The following GAL3ST3 variants were observed in gnomAD, a reference collection of about 807,000 sequenced individuals.
GAL3ST3 encodes beta-galactose-3-O-sulfotransferase 3.
A neutral mutation model predicts 20.8 loss-of-function variants in GAL3ST3; 21 were observed. The observed-to-expected ratio is 1.01, with a 90% CI of 0.72 to 1.45. The LOEUF (loss-of-function observed/expected upper bound fraction) is 1.45, where lower values mean the gene tolerates loss of function less well. Among genes scored for constraint, GAL3ST3 ranks in the 40% most tolerant of loss-of-function variants. The probability of loss-of-function intolerance (pLI) is 0.00; values close to 1 mark genes in which losing one functional copy is unlikely to be tolerated. For missense variants in GAL3ST3, 739 were observed against 662.7 expected (o/e 1.12, Z -1.26); for synonymous variants, 355 against 307.2 (o/e 1.16, Z -1.63).
intron 2 of GAL3ST3, chr11:66,045,076 G>A: frequency 2.5e-6 from 1 of 402,596 alleles, no homozygotes; most frequent in Non-Finnish European, 4.4e-6. Flanking sequence ...GTGGGGAGTT[G>A]AGCTGGATTC....
chr11:66,043,179 G>C lies in GAL3ST3; in HGVS notation c.624C>G (p.Asp208Glu). Residue 208 changes from aspartate (D) to glutamate (E), a missense_variant, in exon 3 of 3, where the codon GAC becomes GAG. Physicochemically the swap from Asp to Glu is conservative, Grantham distance 45. Coordinates refer to ENST00000312006, the MANE Select transcript of GAL3ST3 (RefSeq NM_033036.3). Reference sequence around the variant, plus strand: ...GGCTGCGCTCATTGTCGCCGCCCAGGTCGTAGGCCAGCGTGTTGTGTGCGA... The same window carrying C: ...GGCTGCGCTCATTGTCGCCGCCCAGCTCGTAGGCCAGCGTGTTGTGTGCGA... The part of the protein sequence containing the change: ...AMFAHNTLAY[D>E]LGGDNERSPR... 2.5e-6 allele frequency: 4 copies of C among 1,612,112 alleles called. No homozygotes were observed. The highest frequency in any genetic ancestry group is 3.4e-6 in the Non-Finnish European group (4 of 1,179,438).
Position 66,045,358 on chromosome 11 carries a change from T to TA in GAL3ST3, c.57_58insT (p.Ile20TyrfsTer195). On this transcript the variant is annotated frameshift_variant, in exon 2 of 3. Coordinates refer to ENST00000312006, the MANE Select transcript of GAL3ST3 (RefSeq NM_033036.3). LOFTEE classifies it high-confidence loss of function. ...CTGCACCCTAGCACCAGCAGCAGGA[T>TA]TTTCCGGCGGCTCATCATCTTGGTG... The TA allele has an allele frequency of 6.2e-7, 1 of 1,607,074 alleles. No individual in the cohort carries two copies. The highest frequency in any genetic ancestry group is 8.5e-7 in the Non-Finnish European group (1 of 1,176,424).
In GAL3ST3 at chr11:66,042,258, TCAC is replaced by T; in HGVS notation, c.*246_*248del. On this transcript the variant is annotated 3_prime_UTR_variant, in exon 3 of 3. Transcript: ENST00000312006. The stretch of plus-strand genomic sequence containing the variant: ...ACAGCCCTCAGGCCTCTTGTCAAAA[TCAC>T]CAACCAGCTGGGAAGGAGAGGGTGG... 2.1e-6 allele frequency: 1 copy of T among 467,436 alleles called. No individual in the cohort carries two copies. 29.0% of individuals were successfully genotyped at this position (467,436 alleles called of 1,614,324 possible).
At chr11:66,044,526 C>T (rs986720934) in intron 2 of GAL3ST3, among the ~76,000 whole-genome samples, 4 of 152,186 alleles carry the variant, frequency 2.6e-5, no homozygotes, top group Non-Finnish European at 4.4e-5. Context: ...TGGCTCCTCA[C>T]TTTGTAGATG....
chr11:66,045,296 G>T lies in GAL3ST3; in HGVS notation c.120C>A (p.Leu40=). ...VSLLIHQGAQ[L]SWYPKLFPLS... Reference sequence around the variant, plus strand: ...CTGGGGCCCCGCCCCCTTACCAGCTGAGCTGCGCCCCCTGGTGGATGAGAA... The same window carrying T: ...CTGGGGCCCCGCCCCCTTACCAGCTTAGCTGCGCCCCCTGGTGGATGAGAA... Residue 40 remains leucine (L), a synonymous_variant, in exon 2 of 3, where the codon CTC becomes CTA. Transcript: ENST00000312006. 1 of 1,573,396 alleles carries T rather than the reference G, an allele frequency of 6.4e-7. No individual in the cohort carries two copies. The highest frequency in any genetic ancestry group is 2.4e-5 in the East Asian group (1 of 42,006).
rs1856721462 is a variant in GAL3ST3, at chr11:66,042,721, T to G, written c.1082A>C (p.Lys361Thr). The change falls in exon 3 of 3, where the codon AAG becomes ACG. Residue 361 changes from lysine (K) to threonine (T), a missense_variant. Transcript: ENST00000312006. ...KQLQPWQPSR[K>T]VDIMGYDLPG... is the part of the protein sequence containing the mutation. The stretch of plus-strand genomic sequence containing the variant: ...CAGGTCATAGCCCATAATGTCCACC[T>G]TGCGGCTGGGCTGCCACGGCTGCAG... 6.5e-7 allele frequency: 1 copy of G among 1,533,428 alleles called. No individual in the cohort carries two copies. The highest frequency in any genetic ancestry group is 2.0e-5 in the Admixed American group (1 of 50,848). 95.0% of individuals were successfully genotyped at this position (1,533,428 alleles called of 1,614,324 possible).
Position 66,042,930 on chromosome 11 carries a change from G to A in GAL3ST3, c.873C>T (p.Asn291=). Reference sequence around the variant, plus strand: ...GGTCGTAGAGGCCGGCGTCCAGGGCGTTCCAGGTGCGCGCCGCCCGCGCCA... The same window carrying A: ...GGTCGTAGAGGCCGGCGTCCAGGGCATTCCAGGTGCGCGCCGCCCGCGCCA... ...AALARAARTW[N]ALDAGLYDHF... is the part of the protein sequence containing the mutation. The change falls in exon 3 of 3, where the codon AAC becomes AAT. Residue 291 remains asparagine (N), a synonymous_variant. Coordinates refer to ENST00000312006, the MANE Select transcript of GAL3ST3 (RefSeq NM_033036.3). 1 of 1,237,362 alleles carries A rather than the reference G, an allele frequency of 8.1e-7. No homozygotes were observed. The highest frequency in any genetic ancestry group is 1.0e-6 in the Non-Finnish European group (1 of 982,232). 76.6% of individuals were successfully genotyped at this position (1,237,362 alleles called of 1,614,324 possible).
rs1400016761 is a variant in GAL3ST3, at chr11:66,042,313, G to A, written c.*194C>T. On this transcript the variant is annotated 3_prime_UTR_variant, in exon 3 of 3. Coordinates refer to ENST00000312006, the MANE Select transcript of GAL3ST3 (RefSeq NM_033036.3). ...CCAGCGCTGGATCCAGCCTATCAGC[G>A]CCGTGCCCGAAGGCAAGGTTCAGCC... The A allele has an allele frequency of 3.8e-6, 2 of 532,892 alleles. No homozygotes were observed. Among genetic ancestry groups the A allele is most frequent in the South Asian group, 2.8e-5 (1 of 35,904 alleles). The allele number at this position is 532,892 out of a possible 1,614,324, so 33.0% of individuals were successfully genotyped here.
Position 66,042,994 on chromosome 11 carries a change from C to G in GAL3ST3, c.809G>C (p.Arg270Pro). The G allele has an allele frequency of 6.3e-7, 1 of 1,598,550 alleles. No individual in the cohort carries two copies. Among genetic ancestry groups the G allele is most frequent in the Non-Finnish European group, 8.5e-7 (1 of 1,175,302 alleles). ...DDVLYAKLNA[R>P]AASSRLAAIP... is the part of the protein sequence containing the mutation. ...GGCGGCCAGGCGCGAGCTGGCGGCGCGCGCGTTGAGCTTGGCGTAGAGCAC... is the reference window on the plus strand; with the variant it reads ...GGCGGCCAGGCGCGAGCTGGCGGCGGGCGCGTTGAGCTTGGCGTAGAGCAC... Residue 270 changes from arginine (R) to proline (P), a missense_variant, in exon 3 of 3, where the codon CGC (arginine) becomes CCC (proline). Physicochemically the swap from Arg to Pro is moderately radical, Grantham distance 103. Transcript: ENST00000312006.
chr11:66,047,413 G>A (rs1047604690), intron 1 of GAL3ST3, among the ~76,000 whole-genome samples: 3 of 152,184 alleles, frequency 2.0e-5, no homozygotes, highest in Non-Finnish European at 4.4e-5. Context: ...GACCTTTCCC[G>A]AGGGCAGAGC....
At chr11:66,044,212 G>C (rs1856756667) in intron 2 of GAL3ST3, among the ~76,000 whole-genome samples, 1 of 152,208 alleles carries the variant, frequency 6.6e-6, no homozygotes, top group Non-Finnish European at 1.5e-5. Context: ...GGATGAGACT[G>C]CATCACCAGC....
rs537102680 is a variant in GAL3ST3 at position 66,042,526 on chromosome 11, C to T, written c.1277G>A (p.Arg426His). 10 of 1,495,430 alleles carry T rather than the reference C, an allele frequency of 6.7e-6. 1 individual carries two copies. The African/African-American group carries it at 9.9e-5, about 15-fold the overall frequency. 92.6% of individuals were successfully genotyped at this position (1,495,430 alleles called of 1,614,324 possible). The change falls in exon 3 of 3, where the codon CGC becomes CAC. Residue 426 changes from arginine to histidine, a missense_variant. Arg to His is a conservative substitution (Grantham distance 29). Transcript: ENST00000312006. Reference protein sequence around the residue: ...PPPRPIRVLPRGPQGP With the variant: ...PPPRPIRVLPHGPQGP ...CGGAGCTCAGGGACCTTGAGGGCCG[C>T]GAGGCAGCACTCGGATGGGCCGAGG...
In GAL3ST3 at chr11:66,044,157, C is replaced by A. The variant is rs571713333; in HGVS notation, c.126-480G>T. On this transcript the variant is annotated intron_variant, in intron 2 of 2. Coordinates refer to ENST00000312006, the MANE Select transcript of GAL3ST3 (RefSeq NM_033036.3). ...CTTGAAGACCTGAAGCCTGTCAAAA[C>A]CACGTGAGTGAGCTTGGAAGCTGAT... Among the ~76,000 whole-genome samples, 7 of 152,274 alleles carry A rather than the reference C, an allele frequency of 4.6e-5. No individual in the cohort carries two copies. The South Asian group carries it at 1.0e-3, about 23-fold the overall frequency.
Position 66,043,413 on chromosome 11 carries a change from C to T in GAL3ST3, c.390G>A (p.Leu130=), listed in dbSNP as rs1856743267. 6.2e-7 allele frequency: 1 copy of T among 1,610,166 alleles called. No homozygotes were observed. Among genetic ancestry groups the T allele is most frequent in the East Asian group, 2.2e-5 (1 of 44,774 alleles). Residue 130 remains leucine, a synonymous_variant, in exon 3 of 3, where the codon CTG becomes CTA. Transcript: ENST00000312006. The stretch of plus-strand genomic sequence containing the variant: ...GCTCCAGCTCCGCACGGTCGAAGCG[C>T]AGGTGGCTGGCCAGCACGTGCGGCG... ...TRPPHVLASH[L]RFDRAELERL... is the part of the protein sequence containing the mutation.
rs749575594 is a variant in GAL3ST3 at position 66,043,266 on chromosome 11, C to G, written c.537G>C (p.Ser179=). ...CGGGCGCGCGCAGGAAGGCCTCGAG[C>G]GAGGCGTTGGGTACGCGCCGGAAGG... ...CPAFRRVPNA[S]LEAFLRAPEA... The change falls in exon 3 of 3, where the codon TCG becomes TCC. Residue 179 remains serine, a synonymous_variant. Coordinates refer to ENST00000312006, the MANE Select transcript of GAL3ST3 (RefSeq NM_033036.3). 4 of 1,611,944 alleles carry G rather than the reference C, an allele frequency of 2.5e-6. No individual in the cohort carries two copies. Among genetic ancestry groups the G allele is most frequent in the Non-Finnish European group, 3.4e-6 (4 of 1,179,206 alleles).
At position 66,045,518 on chromosome 11, in the gene GAL3ST3, C is replaced by T. The variant is rs376131038; in HGVS notation, c.-103G>A. 9 of 1,315,586 alleles carry T rather than the reference C, an allele frequency of 6.8e-6. 1 individual carries two copies. In the East Asian group the frequency reaches 8.2e-5, roughly 12 times the overall value. The allele number at this position is 1,315,586 out of a possible 1,614,324, so 81.5% of individuals were successfully genotyped here. A position where few individuals can be genotyped will look rare whatever the true frequency, so the allele number is the denominator to read the frequency against. The stretch of plus-strand genomic sequence containing the variant: ...CGGCTCTGGTAGCAGGGCCAGTGTT[C>T]CCGAGAAGCCTGGCAGAAGAAGGCA... On this transcript the variant is annotated 5_prime_UTR_variant, in exon 2 of 3. Transcript: ENST00000312006.
rs768412618 is a variant in GAL3ST3, at chr11:66,043,464, C to T, written c.339G>A (p.Ala113=). Residue 113 remains alanine, a synonymous_variant, in exon 3 of 3, where the codon GCG becomes GCA. Transcript: ENST00000312006. ...HQFCYPRNFS[A]HFVHPATRPP... is the part of the protein sequence containing the mutation. The stretch of plus-strand genomic sequence containing the variant: ...GCCGCGTGGCCGGGTGCACGAAGTG[C>T]GCCGAGAAGTTGCGGGGGTAGCAGA... The T allele has an allele frequency of 1.8e-5, 29 of 1,609,716 alleles. No individual in the cohort carries two copies. The highest frequency in any genetic ancestry group is 2.3e-5 in the Non-Finnish European group (27 of 1,178,776).
At position 66,042,393 on chromosome 11, in the gene GAL3ST3, G is replaced by A; in HGVS notation, c.*114C>T. On this transcript the variant is annotated 3_prime_UTR_variant, in exon 3 of 3. Transcript: ENST00000312006. ...AGGCGTACCCCAAAGTTCAGCGAGGGACTCAAGCCCCTTGAAAAGAAAGGG... is the reference window on the plus strand; with the variant it reads ...AGGCGTACCCCAAAGTTCAGCGAGGAACTCAAGCCCCTTGAAAAGAAAGGG... 1.2e-6 allele frequency: 1 copy of A among 800,814 alleles called. No individual in the cohort carries two copies. The highest frequency in any genetic ancestry group is 1.8e-5 in the African/African-American group (1 of 54,780). 49.6% of individuals were successfully genotyped at this position (800,814 alleles called of 1,614,324 possible). A position where few individuals can be genotyped will look rare whatever the true frequency, so the allele number is the denominator to read the frequency against.
rs1856718396 is a variant in GAL3ST3, at chr11:66,042,580, CGA to C, written c.1221_1222del (p.Arg408AlafsTer74). 2 of 1,535,076 alleles carry C rather than the reference CGA, an allele frequency of 1.3e-6. No individual in the cohort carries two copies. On this transcript the variant is annotated frameshift_variant, in exon 3 of 3. Transcript: ENST00000312006. LOFTEE classifies it high-confidence loss of function. ...GGGATTGTCCAGGACGGGCTCGGGC[CGA>C]GCCCGCGCACCGCCCCGGCGCTTCT...
Sources: allele counts gnomAD v4.1 joint callset (sites outside exome capture counted in the v4.1 genomes callset), GRCh38; gene constraint gnomAD v4.1.1; transcripts MANE v1.5; gene names NCBI Gene and HGNC (gene_info 2026-07-23, HGNC 2026-07-21).